Variants in CUBN observed in about 807,000 individuals in gnomAD.
The protein encoded by CUBN is 460 kDa receptor.
Under a neutral mutation model 405.3 loss-of-function variants are expected in CUBN, and 282 were observed. The observed-to-expected ratio is 0.70, with a 90% CI of 0.63 to 0.77. The LOEUF is 0.77. Ranked by LOEUF, CUBN falls within the 30% of genes least tolerant of loss-of-function variation. The probability of loss-of-function intolerance (pLI) is 0.00; values close to 1 mark genes in which losing one functional copy is unlikely to be tolerated. For missense variants in CUBN, 4,514 were observed against 4,475.2 expected, an observed-to-expected ratio of 1.01 and a Z score of -0.25; for synonymous variants, 1,684 against 1,617.0, an observed-to-expected ratio of 1.04 and a Z score of -0.99.
intron 15 of CUBN, among the ~76,000 whole-genome samples, chr10:17,086,691 T>C (rs1245536906): frequency 6.6e-6 from 1 of 152,208 alleles, no homozygotes; most frequent in African/African-American, 2.4e-5. Flanking sequence ...GAGGAGTCAA[T>C]GAACTAAAGA....
rs147923966 is a variant in CUBN at position 16,909,410 on chromosome 10, A to G, written c.7534-1731T>C. Among the ~76,000 whole-genome samples the G allele has an allele frequency of 2.8e-3, 423 of 152,334 alleles. 3 individuals are homozygous for G. Among genetic ancestry groups the G allele is most frequent in the African/African-American group, 9.8e-3 (409 of 41,582 alleles). On this transcript the variant is annotated intron_variant, in intron 48 of 66. Coordinates refer to ENST00000377833, the MANE Select transcript of CUBN (RefSeq NM_001081.4). ...GTATCCCTGTTTTCCAGATTAAGAT[A>G]CCAGAATCCAGAAAGATGATGTAAT...
Position 16,961,766 on chromosome 10 carries a change from C to T in CUBN, c.4696-7218G>A, listed in dbSNP as rs1170386203. Among the ~76,000 whole-genome samples, 4 of 122,724 alleles carry T rather than the reference C, an allele frequency of 3.3e-5. No homozygotes were observed. The East Asian group carries it at 7.3e-4, about 22-fold the overall frequency. The allele number at this position is 122,724 out of a possible 152,430, so 80.5% of individuals were successfully genotyped here. A position where few individuals can be genotyped will look rare whatever the true frequency, so the allele number is the denominator to read the frequency against. ...TCGCTCTGTGGCCCAGGCTGGAGTG[C>T]AGTGGCGGGATCTCGACTCACTGCA... On this transcript the variant is annotated intron_variant, in intron 31 of 66. Transcript: ENST00000377833.
At chr10:16,905,719 A>G (rs1451112072) in intron 50 of CUBN, among the ~76,000 whole-genome samples, 2 of 152,170 alleles carry the variant, frequency 1.3e-5, no homozygotes, top group Non-Finnish European at 2.9e-5. Flanking sequence ...TCAGCTGGGC[A>G]CACACAGAAT....
chr10:17,123,640 G>C lies in CUBN; in HGVS notation c.437C>G (p.Thr146Ser). 2 of 1,614,102 alleles carry C rather than the reference G, an allele frequency of 1.2e-6. No individual in the cohort carries two copies. Among genetic ancestry groups the C allele is most frequent in the South Asian group, 1.1e-5 (1 of 91,038 alleles). Residue 146 changes from threonine (T) to serine (S), a missense_variant, in exon 5 of 67, where the codon ACC becomes AGC. Thr to Ser is a moderately conservative substitution (Grantham distance 58, BLOSUM62 1). Coordinates refer to ENST00000377833, the MANE Select transcript of CUBN (RefSeq NM_001081.4). ...CSSNPCQNGG[T>S]CLNLHDSFFC... ...AAAGGAATCATGCAGATTGAGGCAGGTTCCACCATTCTGGCAAGGATTGCT... is the reference window on the plus strand; with the variant it reads ...AAAGGAATCATGCAGATTGAGGCAGCTTCCACCATTCTGGCAAGGATTGCT...
chr10:16,855,897 T>A (rs927174067), intron 59 of CUBN, among the ~76,000 whole-genome samples: 1 of 152,166 alleles, frequency 6.6e-6, no homozygotes, highest in African/African-American at 2.4e-5. Flanking sequence ...TTGCTCTAAT[T>A]CCCCCTCTTT....
intron 22 of CUBN, among the ~76,000 whole-genome samples, chr10:17,053,715 C>T (rs533048027): frequency 4.6e-5 from 7 of 152,010 alleles, no homozygotes; most frequent in African/African-American, 4.8e-5. Context: ...AACACTCAGC[C>T]GACTTAAAGC....
At position 16,825,845 on chromosome 10, in the gene CUBN, T is replaced by C. The variant is rs1838761035; in HGVS notation, c.10765-763A>G. On this transcript the variant is annotated intron_variant, in intron 66 of 66. Transcript: ENST00000377833. Reference sequence around the variant, plus strand: ...TGACTGGCTTCTCCTGCCTCAGCCCTACCCCAAGTCATCAAAACACAGGCT... The same window carrying C: ...TGACTGGCTTCTCCTGCCTCAGCCCCACCCCAAGTCATCAAAACACAGGCT... 2.0e-5 allele frequency among the ~76,000 whole-genome samples: 3 copies of C among 152,238 alleles called. No homozygotes were observed. In the South Asian group the frequency reaches 6.2e-4, roughly 32 times the overall value.
chr10:16,889,107 T>C (rs962019313), intron 55 of CUBN, among the ~76,000 whole-genome samples: 2 of 152,236 alleles, frequency 1.3e-5, no homozygotes, highest in African/African-American at 4.8e-5. Context: ...GAAAGAAATA[T>C]CTTTTCACCA....
At chr10:16,953,898 G>A (rs1309232945) in intron 32 of CUBN, among the ~76,000 whole-genome samples, 1 of 134,218 alleles carries the variant, frequency 7.5e-6, no homozygotes, top group Middle Eastern at 3.6e-3. Flanking sequence ...GGAAGGGGAG[G>A]AGAGGAAGGG....
At chr10:17,077,346 G>A (rs1296821051) in intron 17 of CUBN, among the ~76,000 whole-genome samples, 1 of 152,012 alleles carries the variant, frequency 6.6e-6, no homozygotes, top group African/African-American at 2.4e-5. Context: ...TTTCTATAGA[G>A]AGAACTAAAA....
chr10:17,116,472 G>T (rs928368174), intron 6 of CUBN, among the ~76,000 whole-genome samples: 3 of 152,174 alleles, frequency 2.0e-5, no homozygotes, highest in African/African-American at 7.2e-5. Flanking sequence ...CCGATTGCCG[G>T]ACTTGAGCAG....
chr10:17,103,638 T>C (rs147509895), intron 12 of CUBN, among the ~76,000 whole-genome samples: 41 of 152,352 alleles, frequency 2.7e-4, no homozygotes, highest in African/African-American at 9.1e-4. Context: ...TTTTACACTT[T>C]CATATTTTTC....
At chr10:16,887,629 T>C (rs1840859464) in intron 56 of CUBN, among the ~76,000 whole-genome samples, 1 of 152,204 alleles carries the variant, frequency 6.6e-6, no homozygotes, top group South Asian at 2.1e-4. Flanking sequence ...TTGATGGGAA[T>C]GTAAATTAGT....
chr10:17,019,127 A>C (rs1279432491), intron 28 of CUBN, among the ~76,000 whole-genome samples: 1 of 152,128 alleles, frequency 6.6e-6, no homozygotes, highest in Non-Finnish European at 1.5e-5. Flanking sequence ...CTCTCTAGGG[A>C]CCACATTTTG....
At chr10:16,845,962 C>T (rs1839496847) in intron 60 of CUBN, among the ~76,000 whole-genome samples, 1 of 152,168 alleles carries the variant, frequency 6.6e-6, no homozygotes, top group Non-Finnish European at 1.5e-5. Context: ...ATTCACAGGA[C>T]AGTTTTGCAA....
rs553302496 is a variant in CUBN, at chr10:16,989,702, C to T, written c.4350+632G>A. On this transcript the variant is annotated intron_variant, in intron 29 of 66. Coordinates refer to ENST00000377833, the MANE Select transcript of CUBN (RefSeq NM_001081.4). ...CTGTTTTAATGATCCAAGACACACC[C>T]TTCGCAGAAGTGCTGGGAAAATTTT... Among the ~76,000 whole-genome samples the T allele has an allele frequency of 5.9e-5, 9 of 152,216 alleles. No individual in the cohort carries two copies. The South Asian group carries it at 1.7e-3, about 28-fold the overall frequency.
chr10:17,009,204 CAG>C (rs1834110606), intron 28 of CUBN, among the ~76,000 whole-genome samples: 3 of 152,224 alleles, frequency 2.0e-5, no homozygotes, highest in Admixed American at 2.0e-4. Context: ...GTGAGCAGCA[CAG>C]AGTTAAAAAA....
chr10:16,910,228 T>C (rs1217616374), intron 48 of CUBN, among the ~76,000 whole-genome samples: 1 of 151,562 alleles, frequency 6.6e-6, no homozygotes, highest in Non-Finnish European at 1.5e-5. Context: ...CTCCCTCTTC[T>C]TCTTCTCCCT....
chr10:17,019,809 A>T (rs781091210), intron 28 of CUBN, 24 bp downstream of exon 28: 1 of 1,614,020 alleles, frequency 6.2e-7, no homozygotes, highest in East Asian at 2.2e-5. Flanking sequence ...CTGCAAATAC[A>T]ACTGAGATCA....
Sources: allele counts gnomAD v4.1 joint callset (sites outside exome capture counted in the v4.1 genomes callset), GRCh38; gene constraint gnomAD v4.1.1; transcripts MANE v1.5; gene names NCBI Gene and HGNC (gene_info 2026-07-23, HGNC 2026-07-21).